THSD7A: variants seen among roughly 807,000 people sequenced by gnomAD.
THSD7A encodes thrombospondin type 1 domain containing 7A, also known as thrombospondin type-1 domain-containing protein 7A.
THSD7A carries 96 observed loss-of-function variants against 231.3 expected under a neutral mutation model. The observed-to-expected ratio is 0.41, with a 90% CI of 0.35 to 0.49. The LOEUF is 0.49. THSD7A is among the 20% of genes least tolerant of loss of function. The pLI is 0.05. For missense variants in THSD7A, 2,290 were observed against 2,070.2 expected (o/e 1.11, Z -2.06); for synonymous variants, 940 against 743.3 (o/e 1.26, Z -4.30).
At chr7:11,391,868 C>A (rs182449065) in intron 23 of THSD7A, among the ~76,000 whole-genome samples, 1 of 152,038 alleles carries the variant, frequency 6.6e-6, no homozygotes, top group Non-Finnish European at 1.5e-5. Flanking sequence ...TGACCCCTTG[C>A]GCTCCCCAGG....
chr7:11,497,004 C>T (rs61149093), intron 6 of THSD7A, among the ~76,000 whole-genome samples: 14,161 of 152,042 alleles, frequency 0.093, 756 homozygotes, highest in African/African-American at 0.14. Context: ...AGGAGATACC[C>T]GAGATGGGGT....
chr7:11,493,289 G>A (rs1035927869), intron 6 of THSD7A, among the ~76,000 whole-genome samples: 3 of 152,038 alleles, frequency 2.0e-5, no homozygotes, highest in Non-Finnish European at 4.4e-5. Context: ...GGTGAGTTTG[G>A]GATGGGCCAA....
At chr7:11,667,291 T>G (rs1474488865) in intron 1 of THSD7A, among the ~76,000 whole-genome samples, 1 of 152,132 alleles carries the variant, frequency 6.6e-6, no homozygotes, top group East Asian at 1.9e-4. Flanking sequence ...CACTTATAAG[T>G]GAGAACATGT....
At chr7:11,445,351 C>T (rs1044043167) in intron 13 of THSD7A, among the ~76,000 whole-genome samples, 2 of 152,004 alleles carry the variant, frequency 1.3e-5, no homozygotes, top group African/African-American at 4.8e-5. Flanking sequence ...TTAATACTGC[C>T]TATATTAAGA....
chr7:11,714,164 T>C (rs1193286131), intron 1 of THSD7A, among the ~76,000 whole-genome samples: 1 of 151,252 alleles, frequency 6.6e-6, no homozygotes, highest in African/African-American at 2.4e-5. Flanking sequence ...TCTTGCAGCA[T>C]TTAAACCTCT....
intron 2 of THSD7A, among the ~76,000 whole-genome samples, chr7:11,602,988 C>T (rs1780601231): frequency 6.6e-6 from 1 of 151,246 alleles, no homozygotes; most frequent in Admixed American, 6.6e-5. Context: ...ATGTCTAAAA[C>T]ACCAAAAGCA....
intron 1 of THSD7A, among the ~76,000 whole-genome samples, chr7:11,752,458 CATTTTTAGTACATA>C (rs2128165290): frequency 6.6e-6 from 1 of 152,130 alleles, no homozygotes; most frequent in Admixed American, 6.6e-5. Flanking sequence ...AATGCAAGAT[CATTTTTAGTACATA>C]ATTTTTGATA....
chr7:11,486,328 T>A (rs1156372248), intron 6 of THSD7A, among the ~76,000 whole-genome samples: 1 of 152,210 alleles, frequency 6.6e-6, no homozygotes, highest in East Asian at 1.9e-4. Flanking sequence ...AGGAGTACAT[T>A]AAACACGCAC....
chr7:11,710,113 T>G (rs536092026), intron 1 of THSD7A, among the ~76,000 whole-genome samples: 1 of 150,934 alleles, frequency 6.6e-6, no homozygotes, highest in African/African-American at 2.4e-5. Flanking sequence ...AAATGAGGAT[T>G]CTGTTATATG....
At chr7:11,529,367 A>T (rs188648854) in intron 6 of THSD7A, among the ~76,000 whole-genome samples, 16 of 152,294 alleles carry the variant, frequency 1.1e-4, no homozygotes, top group Non-Finnish European at 1.3e-4. Flanking sequence ...TGTTATGAAA[A>T]TAAATGAGCT....
intron 7 of THSD7A, among the ~76,000 whole-genome samples, chr7:11,480,931 G>T (rs993320616): frequency 4.3e-4 from 66 of 152,070 alleles, no homozygotes; most frequent in Non-Finnish European, 7.1e-4. Flanking sequence ...TGTGAACAAA[G>T]AGTCATTTAG....
At chr7:11,770,795 A>C (rs1783195547) in intron 1 of THSD7A, among the ~76,000 whole-genome samples, 1 of 152,148 alleles carries the variant, frequency 6.6e-6, no homozygotes, top group Non-Finnish European at 1.5e-5. Context: ...AAATCTACTG[A>C]CTATACTGAA....
At chr7:11,591,523 T>A (rs550958966) in intron 3 of THSD7A, among the ~76,000 whole-genome samples, 2 of 152,180 alleles carry the variant, frequency 1.3e-5, no homozygotes, top group Non-Finnish European at 2.9e-5. Context: ...CAAATGGATG[T>A]GCAAATATTC....
chr7:11,625,340 A>G (rs1030031881), intron 2 of THSD7A, among the ~76,000 whole-genome samples: 3 of 152,086 alleles, frequency 2.0e-5, no homozygotes, highest in Non-Finnish European at 2.9e-5. Context: ...CAATATTCCA[A>G]GATGTTTACT....
rs369751126 is a variant in THSD7A, at chr7:11,543,040, T to A, written c.1531A>T (p.Thr511Ser). Residue 511 changes from threonine to serine, a missense_variant, in exon 5 of 28, where the codon ACT becomes TCT. Physicochemically the swap from Thr to Ser is moderately conservative, Grantham distance 58. Transcript: ENST00000423059. ...TTQLCHIPCP[T>S]ECEVSPWSAW... ...GACCAAGGTGAAACTTCACATTCAG[T>A]TGGACAAGGAATGTGGCACAGCTGT... 69 of 1,613,804 alleles carry A rather than the reference T, an allele frequency of 4.3e-5. No homozygotes were observed. The highest frequency in any genetic ancestry group is 5.6e-5 in the Non-Finnish European group (66 of 1,179,832).
At chr7:11,677,546 T>A (rs1244217516) in intron 1 of THSD7A, among the ~76,000 whole-genome samples, 2 of 65,060 alleles carry the variant, frequency 3.1e-5, no homozygotes, top group South Asian at 5.2e-4. Context: ...AGGCTCAAAA[T>A]AAAGGGATGG....
At chr7:11,678,143 C>T (rs142002200) in intron 1 of THSD7A, among the ~76,000 whole-genome samples, 86 of 152,082 alleles carry the variant, frequency 5.7e-4, no homozygotes, top group African/African-American at 2.0e-3. Flanking sequence ...TCTTTGAAAC[C>T]AATGAGAACA....
At chr7:11,579,548 T>G (rs1447058354) in intron 4 of THSD7A, among the ~76,000 whole-genome samples, 2 of 152,208 alleles carry the variant, frequency 1.3e-5, no homozygotes, top group Non-Finnish European at 2.9e-5. Context: ...TCCACCATCT[T>G]TCTTTCATTA....
Position 11,594,936 on chromosome 7 carries a change from G to T in THSD7A, c.1023-1434C>A, listed in dbSNP as rs531354241. Among the ~76,000 whole-genome samples, 5 of 152,176 alleles carry T rather than the reference G, an allele frequency of 3.3e-5. No homozygotes were observed. The South Asian group carries it at 8.3e-4, about 25-fold the overall frequency. ...CCTGCAACTTGGAATGCAGACGTGT[G>T]GGGGGACCCTGATGAAGCTGGGGAC... On this transcript the variant is annotated intron_variant, in intron 2 of 27. Coordinates refer to ENST00000423059, the MANE Select transcript of THSD7A (RefSeq NM_015204.3).
Sources: gnomAD v4.1 joint callset for allele counts (sites outside exome capture counted in the v4.1 genomes callset) on GRCh38, gnomAD v4.1.1 for gene constraint, MANE v1.5 for transcripts, NCBI Gene and HGNC (gene_info 2026-07-23, HGNC 2026-07-21) for gene names.